C8orf34: variants seen among roughly 807,000 people sequenced by gnomAD.
The protein encoded by C8orf34 is chromosome 8 open reading frame 34.
In C8orf34, 65 loss-of-function variants were observed where a neutral mutation model predicts 68.3. The observed-to-expected ratio is 0.95, with a 90% confidence interval of 0.78 to 1.17. The LOEUF (loss-of-function observed/expected upper bound fraction) is 1.17. Among genes scored for constraint, C8orf34 ranks in the 50% most tolerant of loss-of-function variants. C8orf34 has a pLI of 0.00. For missense variants in C8orf34, 664 were observed against 655.4 expected (o/e 1.01, Z -0.14); for synonymous variants, 244 against 241.2 (o/e 1.01, Z -0.11).
intron 5 of C8orf34, among the ~76,000 whole-genome samples, chr8:68,503,508 A>G (rs1259052497): frequency 6.6e-6 from 1 of 152,102 alleles, no homozygotes; most frequent in African/African-American, 2.4e-5. Flanking sequence ...TTGTATGAAC[A>G]TTTTCATAAT....
At chr8:68,761,161 A>G (rs946404074) in intron 10 of C8orf34, among the ~76,000 whole-genome samples, 1 of 152,328 alleles carries the variant, frequency 6.6e-6, no homozygotes, top group East Asian at 1.9e-4. Flanking sequence ...CAACAAGGTT[A>G]TAATTATGAG....
intron 10 of C8orf34, among the ~76,000 whole-genome samples, chr8:68,774,423 T>C (rs2129528526): frequency 6.6e-6 from 1 of 151,922 alleles, no homozygotes; most frequent in South Asian, 2.1e-4. Flanking sequence ...GTTAAATTCC[T>C]CACAGCTTGA....
rs117168348 is a variant in C8orf34, at chr8:68,415,577, C to T, written c.328-23922C>T. Among the ~76,000 whole-genome samples, 517 of 152,304 alleles carry T rather than the reference C, an allele frequency of 3.4e-3. 3 individuals carry two copies. The highest frequency in any genetic ancestry group is 5.7e-3 in the Non-Finnish European group (387 of 68,014). ...TAGTTTCTGAAATCCAGCCTCATTG[C>T]TCCACTGTGTGTAGATTAGTTATTT... is the stretch of plus-strand genomic sequence containing the variant. On this transcript the variant is annotated intron_variant, in intron 1 of 13. Transcript: ENST00000518698.
intron 10 of C8orf34, among the ~76,000 whole-genome samples, chr8:68,772,573 T>C (rs1019589423): frequency 2.0e-5 from 3 of 152,208 alleles, no homozygotes; most frequent in Non-Finnish European, 1.5e-5. Flanking sequence ...TATTAAATTT[T>C]CTAATTTACA....
At chr8:68,733,956 A>T (rs1012899259) in intron 10 of C8orf34, among the ~76,000 whole-genome samples, 1 of 152,146 alleles carries the variant, frequency 6.6e-6, no homozygotes, top group Admixed American at 6.6e-5. Flanking sequence ...TGTGAATCAG[A>T]TGTCTGTATT....
intron 1 of C8orf34, among the ~76,000 whole-genome samples, chr8:68,377,094 G>A (rs945415754): frequency 1.3e-5 from 2 of 152,136 alleles, no homozygotes; most frequent in Non-Finnish European, 2.9e-5. Flanking sequence ...AAGAGCAGAA[G>A]TAAGAAGCAA....
At chr8:68,617,171 C>T (rs1343137410) in intron 7 of C8orf34, among the ~76,000 whole-genome samples, 1 of 152,044 alleles carries the variant, frequency 6.6e-6, no homozygotes, top group Admixed American at 6.6e-5. Flanking sequence ...TTATTTTGAG[C>T]CTATGTGTGT....
At chr8:68,650,477 C>CTTTTT (rs57112362) in intron 8 of C8orf34, among the ~76,000 whole-genome samples, 1 of 120,824 alleles carries the variant, frequency 8.3e-6, no homozygotes, top group African/African-American at 3.3e-5. Flanking sequence ...CCACCCTAGT[C>CTTTTT]TTTTTTTTTT....
At chr8:68,375,947 T>G (rs1033913542) in intron 1 of C8orf34, among the ~76,000 whole-genome samples, 3 of 152,154 alleles carry the variant, frequency 2.0e-5, no homozygotes, top group African/African-American at 7.2e-5. Flanking sequence ...TATCTCTACT[T>G]CCTTCCATCA....
chr8:68,652,836 G>C (rs934735694), intron 8 of C8orf34, among the ~76,000 whole-genome samples: 2 of 152,112 alleles, frequency 1.3e-5, no homozygotes, highest in Admixed American at 6.5e-5. Flanking sequence ...GTACAGTAGA[G>C]AATAAAATCT....
intron 12 of C8orf34, among the ~76,000 whole-genome samples, chr8:68,803,256 A>G (rs1308309929): frequency 2.6e-5 from 4 of 151,636 alleles, no homozygotes; most frequent in African/African-American, 7.3e-5. Context: ...AAAATTCTAA[A>G]CAAATTGGTA....
intron 7 of C8orf34, among the ~76,000 whole-genome samples, chr8:68,551,688 G>A (rs1332703293): frequency 6.6e-6 from 1 of 152,052 alleles, no homozygotes; most frequent in Non-Finnish European, 1.5e-5. Flanking sequence ...GGGGATGGGG[G>A]AAGAAGTGTT....
intron 13 of C8orf34, among the ~76,000 whole-genome samples, chr8:68,816,889 G>A (rs1205177237): frequency 6.6e-6 from 1 of 152,088 alleles, no homozygotes; most frequent in African/African-American, 2.4e-5. Context: ...ATAGCAATCT[G>A]TATATTAGAA....
intron 1 of C8orf34, among the ~76,000 whole-genome samples, chr8:68,342,179 C>T (rs1490234567): frequency 6.6e-6 from 1 of 152,020 alleles, no homozygotes; most frequent in East Asian, 1.9e-4. Flanking sequence ...TCACATTGTA[C>T]ATCATAAACA....
At chr8:68,445,165 T>C (rs1811069878) in intron 2 of C8orf34, among the ~76,000 whole-genome samples, 1 of 152,090 alleles carries the variant, frequency 6.6e-6, no homozygotes, top group African/African-American at 2.4e-5. Flanking sequence ...ATTTTGGAGG[T>C]GGACAAATTG....
At chr8:68,465,934 TA>T (rs1287484003) in intron 3 of C8orf34, among the ~76,000 whole-genome samples, 2 of 150,396 alleles carry the variant, frequency 1.3e-5, no homozygotes, top group African/African-American at 2.5e-5. Context: ...ACATGTACCC[TA>T]AAACTTAAAG....
intron 7 of C8orf34, among the ~76,000 whole-genome samples, chr8:68,553,440 T>A (rs952797751): frequency 1.3e-5 from 2 of 151,392 alleles, no homozygotes; most frequent in Admixed American, 6.6e-5. Flanking sequence ...TTGGAAGAGT[T>A]TATGAAACAC....
chr8:68,641,699 G>C (rs192802146), intron 8 of C8orf34, among the ~76,000 whole-genome samples: 1 of 152,150 alleles, frequency 6.6e-6, no homozygotes, highest in Admixed American at 6.5e-5. Context: ...AGAAGACTGG[G>C]ATATGAGGTG....
intron 11 of C8orf34, among the ~76,000 whole-genome samples, chr8:68,784,047 G>A (rs1482214146): frequency 6.6e-6 from 1 of 152,126 alleles, no homozygotes; most frequent in Non-Finnish European, 1.5e-5. Context: ...TACATTATTA[G>A]TAACCATATC....
Sources: allele counts gnomAD v4.1 joint callset (sites outside exome capture counted in the v4.1 genomes callset), GRCh38; gene constraint gnomAD v4.1.1; transcripts MANE v1.5; gene names NCBI Gene and HGNC (gene_info 2026-07-23, HGNC 2026-07-21).